NEXN: variants seen among roughly 807,000 people sequenced by gnomAD.
NEXN encodes the protein nexilin F-actin binding protein, also known as nexilin.
A neutral mutation model predicts 92.6 loss-of-function variants in NEXN; 65 were observed. The ratio of observed to expected loss-of-function variants is 0.70; its 90% confidence interval spans 0.57 to 0.86. The LOEUF (loss-of-function observed/expected upper bound fraction) is 0.86. NEXN is among the 40% of genes least tolerant of loss of function. The probability of loss-of-function intolerance (pLI) is 0.00; values close to 1 mark genes in which losing one functional copy is unlikely to be tolerated. For missense variants in NEXN, 778 were observed against 771.1 expected (o/e 1.01, Z -0.11); for synonymous variants, 254 against 242.5 (o/e 1.05, Z -0.44).
chr1:77,937,951 C>T (rs1650913152), intron 11 of NEXN, among the ~76,000 whole-genome samples: 1 of 152,050 alleles, frequency 6.6e-6, no homozygotes, highest in South Asian at 2.1e-4. Flanking sequence ...CAGAGGCGGC[C>T]TGAGGATTTG....
At chr1:77,919,717 A>T (rs1338970523) in intron 5 of NEXN, among the ~76,000 whole-genome samples, 3 of 151,420 alleles carry the variant, frequency 2.0e-5, no homozygotes. Flanking sequence ...CTCCTGTCTC[A>T]ACCTCCTGAG....
intron 1 of NEXN, among the ~76,000 whole-genome samples, chr1:77,911,368 G>A (rs1195036342): frequency 6.6e-6 from 1 of 152,174 alleles, no homozygotes; most frequent in Non-Finnish European, 1.5e-5. Flanking sequence ...AAGACAGGTG[G>A]ATTACCTGAG....
chr1:77,896,170 C>CAATAAATAAATAAATAAATAAATAAATA (rs60137071), intron 1 of NEXN, among the ~76,000 whole-genome samples: 15 of 144,350 alleles, frequency 1.0e-4, no homozygotes, highest in East Asian at 8.1e-4. Flanking sequence ...GACTTTGTCT[C>CAATAAATAAATAAATAAATAAATAAATA]AATAAATAAA....
At chr1:77,941,453 A>G (rs1294418839) in intron 11 of NEXN, among the ~76,000 whole-genome samples, 1 of 151,918 alleles carries the variant, frequency 6.6e-6, no homozygotes, top group East Asian at 1.9e-4. Flanking sequence ...ACTCAAACAT[A>G]TTTTACTTAG....
At chr1:77,930,267 C>T (rs1407564351) in intron 9 of NEXN, among the ~76,000 whole-genome samples, 1 of 152,162 alleles carries the variant, frequency 6.6e-6, no homozygotes, top group Admixed American at 6.5e-5. Flanking sequence ...AAATCAGAAA[C>T]GTGGAAGCCT....
In NEXN at chr1:77,906,492, C is replaced by T. The variant is rs531188225; in HGVS notation, c.-52-9563C>T. Among the ~76,000 whole-genome samples the T allele has an allele frequency of 1.6e-4, 24 of 152,012 alleles. No individual in the cohort carries two copies. The South Asian group carries it at 3.7e-3, about 24-fold the overall frequency. On this transcript the variant is annotated intron_variant, in intron 1 of 12. Coordinates refer to ENST00000334785, the MANE Select transcript of NEXN (RefSeq NM_144573.4). ...ATAATTAAATACAAAGGTTATTAAG[C>T]GCAAAAAGTTCTAGTAGAATATTTT...
chr1:77,936,767 T>G (rs1226222212), intron 11 of NEXN, among the ~76,000 whole-genome samples: 1 of 152,210 alleles, frequency 6.6e-6, no homozygotes, highest in Non-Finnish European at 1.5e-5. Context: ...CCTATAATAT[T>G]TAACAGAACT....
At chr1:77,923,864 G>C (rs1377187905) in intron 5 of NEXN, among the ~76,000 whole-genome samples, 3 of 151,874 alleles carry the variant, frequency 2.0e-5, no homozygotes, top group Admixed American at 1.3e-4. Flanking sequence ...TTTTAGTAGA[G>C]ACGGGGTTTC....
Position 77,916,133 on chromosome 1 carries a change from G to C in NEXN, c.27G>C (p.Glu9Asp). 3 of 1,603,748 alleles carry C rather than the reference G, an allele frequency of 1.9e-6. No homozygotes were observed. Among genetic ancestry groups the C allele is most frequent in the Non-Finnish European group, 2.6e-6 (3 of 1,173,828 alleles). The change falls in exon 2 of 13, where the codon GAG becomes GAC. Residue 9 changes from glutamate to aspartate, a missense_variant and splice_region_variant. Coordinates refer to ENST00000334785, the MANE Select transcript of NEXN (RefSeq NM_144573.4). MNDISQKA[E>D]ILLSSSKPVP... ...TGAATGATATTTCCCAAAAGGCTGA[G>C]GTAAGTCTCAAAAGTAAAAATAAAA...
intron 1 of NEXN, among the ~76,000 whole-genome samples, chr1:77,892,119 T>TA (rs1647123002): frequency 6.6e-6 from 1 of 152,060 alleles, no homozygotes; most frequent in South Asian, 2.1e-4. Context: ...CAGACATACT[T>TA]AAAAATTGGT....
At chr1:77,899,689 AAAAC>A (rs1029259791) in intron 1 of NEXN, among the ~76,000 whole-genome samples, 15 of 152,152 alleles carry the variant, frequency 9.9e-5, no homozygotes, top group African/African-American at 1.7e-4. Flanking sequence ...AAAAAAACAA[AAAAC>A]AAACAAAAAA....
chr1:77,943,022 C>T lies in NEXN; in HGVS notation c.*193C>T, dbSNP rs1651531754. ...GAAACCAGGAGTGCCACTATGCTGA[C>T]TTCTTATTCCTTTTCATAACAGTCT... On this transcript the variant is annotated 3_prime_UTR_variant, in exon 13 of 13. Coordinates refer to ENST00000334785, the MANE Select transcript of NEXN (RefSeq NM_144573.4). 9.1e-6 allele frequency: 6 copies of T among 659,670 alleles called. No homozygotes were observed. Among genetic ancestry groups the T allele is most frequent in the Non-Finnish European group, 1.6e-5 (6 of 368,724 alleles). The allele number at this position is 659,670 out of a possible 1,614,324, so 40.9% of individuals were successfully genotyped here. A position where few individuals can be genotyped will look rare whatever the true frequency, so the allele number is the denominator to read the frequency against.
chr1:77,911,833 A>G lies in NEXN; in HGVS notation c.-52-4222A>G, dbSNP rs542827610. ...CACGGTGGCTCATGCTTGTAATCCC[A>G]GCACTTTGGGAGGCTGAGGCAGGCG... On this transcript the variant is annotated intron_variant, in intron 1 of 12. Coordinates refer to ENST00000334785, the MANE Select transcript of NEXN (RefSeq NM_144573.4). Among the ~76,000 whole-genome samples the G allele has an allele frequency of 2.2e-3, 329 of 151,892 alleles. 2 individuals carry two copies. The highest frequency in any genetic ancestry group is 5.0e-3 in the South Asian group (24 of 4,808).
At chr1:77,924,657 G>T (rs1034249803) in intron 5 of NEXN, among the ~76,000 whole-genome samples, 2 of 37,794 alleles carry the variant, frequency 5.3e-5, no homozygotes, top group African/African-American at 1.0e-4. Flanking sequence ...AATTTTTTCT[G>T]TTTTTTTTTC....
At chr1:77,905,219 G>A (rs575482511) in intron 1 of NEXN, among the ~76,000 whole-genome samples, 9 of 151,250 alleles carry the variant, frequency 6.0e-5, no homozygotes, top group African/African-American at 2.2e-4. Flanking sequence ...CAGAGATTGC[G>A]CCATTGCCCA....
intron 10 of NEXN, among the ~76,000 whole-genome samples, chr1:77,935,207 T>C (rs905915742): frequency 1.3e-5 from 2 of 152,108 alleles, no homozygotes; most frequent in African/African-American, 4.8e-5. Flanking sequence ...CCGGCTAATT[T>C]TTGTATTTTT....
At chr1:77,938,761 A>G (rs949711976) in intron 11 of NEXN, among the ~76,000 whole-genome samples, 3 of 152,182 alleles carry the variant, frequency 2.0e-5, no homozygotes, top group African/African-American at 4.8e-5. Context: ...AGGCTGAATA[A>G]AAGTTGCAGG....
chr1:77,897,747 A>G (rs1043775489), intron 1 of NEXN, among the ~76,000 whole-genome samples: 2 of 152,266 alleles, frequency 1.3e-5, no homozygotes, highest in Non-Finnish European at 2.9e-5. Context: ...ACATGATTGT[A>G]TATGTAGAAA....
intron 11 of NEXN, among the ~76,000 whole-genome samples, chr1:77,937,133 G>A (rs1650830747): frequency 2.7e-5 from 4 of 150,926 alleles, no homozygotes; most frequent in Non-Finnish European, 4.4e-5. Flanking sequence ...TGGCAAAACC[G>A]TATCTGTACA....
Sources: gnomAD v4.1 joint callset for allele counts (sites outside exome capture counted in the v4.1 genomes callset) on GRCh38, gnomAD v4.1.1 for gene constraint, MANE v1.5 for transcripts, NCBI Gene and HGNC (gene_info 2026-07-23, HGNC 2026-07-21) for gene names.